Variants in DOK5 observed in about 807,000 individuals in gnomAD.
DOK5 encodes the protein docking protein 5.
Under a neutral mutation model 43.3 loss-of-function variants are expected in DOK5, and 27 were observed. The ratio of observed to expected loss-of-function variants is 0.62; its 90% CI spans 0.46 to 0.86. The LOEUF (loss-of-function observed/expected upper bound fraction) is 0.86. DOK5 is among the 40% of genes least tolerant of loss of function. The pLI, the probability that DOK5 is intolerant of heterozygous loss-of-function variation, is 0.00. For synonymous variants in DOK5, 146 were observed against 140.1 expected (o/e 1.04, Z -0.30); for missense variants, 373 against 392.9 (o/e 0.95, Z 0.43).
At chr20:54,587,166 C>T (rs552998472) in intron 2 of DOK5, among the ~76,000 whole-genome samples, 1 of 152,166 alleles carries the variant, frequency 6.6e-6, no homozygotes, top group East Asian at 1.9e-4. Flanking sequence ...TCTGGTGAGT[C>T]CTGAGGCACT....
intron 5 of DOK5, among the ~76,000 whole-genome samples, chr20:54,602,773 C>G (rs1247991444): frequency 6.6e-6 from 1 of 152,102 alleles, no homozygotes; most frequent in African/African-American, 2.4e-5. Context: ...CTCCCGGGTT[C>G]AAGCAATTCC....
At chr20:54,548,228 CTTTTA>C (rs1984410644) in intron 1 of DOK5, among the ~76,000 whole-genome samples, 1 of 140,630 alleles carries the variant, frequency 7.1e-6, no homozygotes. Flanking sequence ...GATTACCTAT[CTTTTA>C]TTTATTTATT....
At chr20:54,614,480 G>T (rs1337867649) in intron 6 of DOK5, among the ~76,000 whole-genome samples, 1 of 152,194 alleles carries the variant, frequency 6.6e-6, no homozygotes, top group African/African-American at 2.4e-5. Context: ...GAAGAAGTTT[G>T]TCTAAGATTG....
At chr20:54,619,910 C>T (rs1398507214) in intron 6 of DOK5, among the ~76,000 whole-genome samples, 6 of 152,148 alleles carry the variant, frequency 3.9e-5, no homozygotes, top group Non-Finnish European at 8.8e-5. Flanking sequence ...AAAGTAGACC[C>T]TCGCATGGTG....
chr20:54,553,484 C>T (rs1003795264), intron 1 of DOK5, among the ~76,000 whole-genome samples: 4 of 151,870 alleles, frequency 2.6e-5, no homozygotes, highest in African/African-American at 9.7e-5. Context: ...CGTGAGCCAC[C>T]GCGCCCGGCC....
At chr20:54,618,542 A>G (rs1262762964) in intron 6 of DOK5, among the ~76,000 whole-genome samples, 6 of 151,952 alleles carry the variant, frequency 3.9e-5, no homozygotes. Context: ...ACGGTGTTTC[A>G]CTATGTTGGC....
chr20:54,623,933 A>G (rs8115071), intron 6 of DOK5, among the ~76,000 whole-genome samples: 42,363 of 152,062 alleles, frequency 0.28, 6,649 homozygotes, highest in African/African-American at 0.4. Flanking sequence ...GGAGAAAGAG[A>G]CTCACCTTGA....
chr20:54,643,947 G>A (rs873079), intron 7 of DOK5, among the ~76,000 whole-genome samples: 44,914 of 152,038 alleles, frequency 0.3, 7,749 homozygotes, highest in African/African-American at 0.47. Context: ...AAATGATGTA[G>A]TGGACTGATG....
intron 2 of DOK5, among the ~76,000 whole-genome samples, chr20:54,579,172 C>T (rs1252760522): frequency 6.6e-6 from 1 of 151,948 alleles, no homozygotes; most frequent in African/African-American, 2.4e-5. Flanking sequence ...TGTTTTAAAT[C>T]AGGTTGGTTT....
At chr20:54,518,608 A>T (rs1983284181) in intron 1 of DOK5, among the ~76,000 whole-genome samples, 2 of 152,172 alleles carry the variant, frequency 1.3e-5, no homozygotes, top group East Asian at 3.8e-4. Context: ...TCTTTATAGC[A>T]GCATGCTTTA....
chr20:54,565,070 A>T (rs1286985067), intron 2 of DOK5, among the ~76,000 whole-genome samples: 1 of 152,076 alleles, frequency 6.6e-6, no homozygotes, highest in Non-Finnish European at 1.5e-5. Context: ...GCCTTATTTG[A>T]ATACTCCATG....
intron 6 of DOK5, among the ~76,000 whole-genome samples, chr20:54,622,077 C>T (rs1200014749): frequency 6.6e-6 from 1 of 151,856 alleles, no homozygotes; most frequent in Non-Finnish European, 1.5e-5. Flanking sequence ...GCCTGTAGTC[C>T]CAGCTACTTG....
chr20:54,645,624 A>G (rs1440012957), intron 7 of DOK5, among the ~76,000 whole-genome samples: 1 of 152,022 alleles, frequency 6.6e-6, no homozygotes, highest in Non-Finnish European at 1.5e-5. Flanking sequence ...TTGTAACTGG[A>G]GTGGACATCT....
chr20:54,507,824 G>T (rs1463806939), intron 1 of DOK5, among the ~76,000 whole-genome samples: 1 of 152,208 alleles, frequency 6.6e-6, no homozygotes, highest in African/African-American at 2.4e-5. Flanking sequence ...GAAGAAAAAG[G>T]ATAGTCATAT....
At chr20:54,537,594 G>A (rs998868181) in intron 1 of DOK5, among the ~76,000 whole-genome samples, 1 of 152,094 alleles carries the variant, frequency 6.6e-6, no homozygotes, top group Admixed American at 6.5e-5. Flanking sequence ...AGAGAACACA[G>A]GCAAAATAGA....
intron 5 of DOK5, among the ~76,000 whole-genome samples, chr20:54,603,285 G>A (rs1986355378): frequency 6.6e-6 from 1 of 152,206 alleles, no homozygotes; most frequent in African/African-American, 2.4e-5. Flanking sequence ...AGTAGCAGGT[G>A]GGCCAGATTC....
At chr20:54,627,344 C>T (rs78091422) in intron 6 of DOK5, among the ~76,000 whole-genome samples, 1,887 of 152,256 alleles carry the variant, frequency 0.012, 19 homozygotes, top group South Asian at 0.021. Context: ...GGATTTAAGT[C>T]GCTTTTTAAA....
chr20:54,540,405 G>A (rs925004044), intron 1 of DOK5, among the ~76,000 whole-genome samples: 1 of 152,132 alleles, frequency 6.6e-6, no homozygotes, highest in Non-Finnish European at 1.5e-5. Context: ...AGTAAATGAA[G>A]GAAACAAAAT....
chr20:54,605,001 C>CAAAA lies in DOK5; in HGVS notation c.600-5378_600-5375dup, dbSNP rs71196456. Among the ~76,000 whole-genome samples the CAAAA allele has an allele frequency of 9.1e-3, 990 of 108,696 alleles. 21 individuals carry two copies. Among genetic ancestry groups the CAAAA allele is most frequent in the African/African-American group, 0.034 (756 of 22,126 alleles). 71.3% of individuals were successfully genotyped at this position (108,696 alleles called of 152,430 possible). On this transcript the variant is annotated intron_variant, in intron 5 of 7. Coordinates refer to ENST00000262593, the MANE Select transcript of DOK5 (RefSeq NM_018431.5). ...TGGGCAACAGAGCAAGACTGTGTCT[C>CAAAA]AAAAAAAAAAAATATATATATATAC...
Sources: gnomAD v4.1 joint callset for allele counts (sites outside exome capture counted in the v4.1 genomes callset) on GRCh38, gnomAD v4.1.1 for gene constraint, MANE v1.5 for transcripts, NCBI Gene and HGNC (gene_info 2026-07-23, HGNC 2026-07-21) for gene names.